SYT1: variants seen among roughly 807,000 people sequenced by gnomAD.
SYT1 encodes the protein synaptotagmin 1.
A neutral mutation model predicts 44.8 loss-of-function variants in SYT1; 8 were observed. The ratio of observed to expected loss-of-function variants is 0.18; its 90% CI spans 0.10 to 0.32. The LOEUF (loss-of-function observed/expected upper bound fraction) is 0.32. SYT1 is among the 10% of genes least tolerant of loss of function. SYT1 has a pLI of 1.00. For missense variants in SYT1, 286 were observed against 509.3 expected (o/e 0.56, Z 4.22); for synonymous variants, 154 against 188.8 (o/e 0.82, Z 1.51).
At chr12:78,963,346 C>G (rs1432708810) in intron 1 of SYT1, among the ~76,000 whole-genome samples, 1 of 151,994 alleles carries the variant, frequency 6.6e-6, no homozygotes, top group African/African-American at 2.4e-5. Context: ...TAAAAAGTTT[C>G]TGCACAGTAA....
chr12:79,436,437 G>GGTA (rs1870094673), intron 9 of SYT1, among the ~76,000 whole-genome samples: 2 of 152,148 alleles, frequency 1.3e-5, no homozygotes, highest in Non-Finnish European at 2.9e-5. Context: ...GAAAGGCCAT[G>GGTA]GTCACAGGAG....
intron 9 of SYT1, among the ~76,000 whole-genome samples, chr12:79,356,187 C>T (rs1883106325): frequency 6.6e-6 from 1 of 151,706 alleles, no homozygotes; most frequent in Admixed American, 6.6e-5. Context: ...ACAACAGATA[C>T]CTCGTGGCTC....
intron 1 of SYT1, among the ~76,000 whole-genome samples, chr12:78,962,195 A>G (rs965163800): frequency 1.3e-5 from 2 of 152,178 alleles, no homozygotes; most frequent in African/African-American, 2.4e-5. Context: ...AATTATCTCA[A>G]TGAGGCTGGG....
chr12:79,385,874 G>A (rs1884416415), intron 9 of SYT1, among the ~76,000 whole-genome samples: 1 of 152,178 alleles, frequency 6.6e-6, no homozygotes, highest in African/African-American at 2.4e-5. Flanking sequence ...CCCTAAAATT[G>A]TTATTGTCAG....
At chr12:79,385,861 C>T (rs1884416029) in intron 9 of SYT1, among the ~76,000 whole-genome samples, 1 of 152,124 alleles carries the variant, frequency 6.6e-6, no homozygotes. Flanking sequence ...AGATTCATAA[C>T]TCCCCTAAAA....
chr12:79,409,840 A>T (rs1352355054), intron 9 of SYT1, among the ~76,000 whole-genome samples: 1 of 152,104 alleles, frequency 6.6e-6, no homozygotes, highest in South Asian at 2.1e-4. Context: ...CAAGGAAAGA[A>T]TCCTACAGAG....
intron 9 of SYT1, among the ~76,000 whole-genome samples, chr12:79,430,166 T>C (rs1869694502): frequency 6.6e-6 from 1 of 152,200 alleles, no homozygotes; most frequent in Non-Finnish European, 1.5e-5. Context: ...TGTTTAGAAT[T>C]AACAAAACGT....
At chr12:79,405,787 ATCCTTAG>A (rs1885223920) in intron 9 of SYT1, among the ~76,000 whole-genome samples, 1 of 152,052 alleles carries the variant, frequency 6.6e-6, no homozygotes, top group African/African-American at 2.4e-5. Flanking sequence ...CAGCTCCTCT[ATCCTTAG>A]TATGTTGGCC....
intron 3 of SYT1, among the ~76,000 whole-genome samples, chr12:79,146,846 A>C (rs2138240455): frequency 6.6e-6 from 1 of 152,206 alleles, no homozygotes; most frequent in South Asian, 2.1e-4. Flanking sequence ...GCATATATCT[A>C]CTACTTTTTT....
At chr12:79,142,452 T>C (rs1869617103) in intron 3 of SYT1, among the ~76,000 whole-genome samples, 1 of 152,306 alleles carries the variant, frequency 6.6e-6, no homozygotes, top group African/African-American at 2.4e-5. Flanking sequence ...GGATAAAGTA[T>C]ACTAAAAATG....
At chr12:79,318,647 T>G (rs1032022995) in intron 8 of SYT1, among the ~76,000 whole-genome samples, 1 of 152,212 alleles carries the variant, frequency 6.6e-6, no homozygotes, top group African/African-American at 2.4e-5. Context: ...GAGGTTGAGA[T>G]TTGCCACAAG....
At chr12:79,328,918 G>GA (rs1041121035) in intron 8 of SYT1, among the ~76,000 whole-genome samples, 19 of 151,052 alleles carry the variant, frequency 1.3e-4, no homozygotes, top group African/African-American at 4.1e-4. Context: ...AATTCCAAAG[G>GA]AAAAAAAATG....
intron 9 of SYT1, among the ~76,000 whole-genome samples, chr12:79,387,806 G>A (rs754345199): frequency 8.5e-5 from 13 of 152,054 alleles, no homozygotes; most frequent in East Asian, 5.8e-4. Context: ...TGTTTATAAC[G>A]CCAGGCAACA....
rs1879130513 is a variant in SYT1 at position 79,113,629 on chromosome 12, G to T, written c.-18+66267G>T. On this transcript the variant is annotated intron_variant, in intron 3 of 10. Transcript: ENST00000261205. ...AACCCAGTGCTTTCCAAACTTATTT[G>T]ACCATGAAATTGATTAATCTTCCTT... Among the ~76,000 whole-genome samples the T allele has an allele frequency of 2.0e-5, 3 of 152,138 alleles. No homozygotes were observed. The South Asian group carries it at 6.2e-4, about 32-fold the overall frequency.
At chr12:79,149,911 C>A (rs1342346812) in intron 3 of SYT1, among the ~76,000 whole-genome samples, 1 of 152,118 alleles carries the variant, frequency 6.6e-6, no homozygotes, top group Non-Finnish European at 1.5e-5. Context: ...CACATAGTAG[C>A]TGACTTATAC....
intron 8 of SYT1, among the ~76,000 whole-genome samples, chr12:79,351,430 G>A (rs17292872): frequency 0.033 from 5,080 of 151,812 alleles, 124 homozygotes; most frequent in Non-Finnish European, 0.049. Context: ...ATTTAAGAGA[G>A]AGCAGTCATG....
At chr12:79,420,767 G>A (rs1358611109) in intron 9 of SYT1, among the ~76,000 whole-genome samples, 1 of 152,052 alleles carries the variant, frequency 6.6e-6, no homozygotes, top group African/African-American at 2.4e-5. Flanking sequence ...TATGTAAATG[G>A]GAGAAATACT....
chr12:78,992,929 G>C (rs765469796), intron 2 of SYT1, among the ~76,000 whole-genome samples: 1 of 152,140 alleles, frequency 6.6e-6, no homozygotes, highest in Non-Finnish European at 1.5e-5. Flanking sequence ...CTGTGTTTAG[G>C]TATCTTTCCT....
At chr12:78,907,339 T>C (rs191055534) in intron 1 of SYT1, among the ~76,000 whole-genome samples, 329 of 152,112 alleles carry the variant, frequency 2.2e-3, no homozygotes, top group African/African-American at 6.3e-3. Context: ...TTATCATAAT[T>C]ACCTATACAA....
Sources: gnomAD v4.1 joint callset for allele counts (sites outside exome capture counted in the v4.1 genomes callset) on GRCh38, gnomAD v4.1.1 for gene constraint, MANE v1.5 for transcripts, NCBI Gene and HGNC (gene_info 2026-07-23, HGNC 2026-07-21) for gene names.